TUBA4A: variants seen among roughly 807,000 people sequenced by gnomAD.
TUBA4A encodes tubulin alpha-4A chain.
In TUBA4A, 23 loss-of-function variants were observed where a neutral mutation model predicts 34.3. The observed-to-expected ratio is 0.67, with a 90% CI of 0.48 to 0.95. TUBA4A has a LOEUF of 0.95. Among genes scored for constraint, TUBA4A ranks in the 40% least tolerant of loss-of-function variants. The pLI, the probability that TUBA4A is intolerant of heterozygous loss-of-function variation, is 0.00. For missense variants in TUBA4A, 279 were observed against 599.0 expected (o/e 0.47, Z 5.58); for synonymous variants, 216 against 230.5 (o/e 0.94, Z 0.57).
rs1951653815 is a variant in TUBA4A, at chr2:219,251,849, G to A, written c.227-136C>T. On this transcript the variant is annotated intron_variant, in intron 2 of 3. Coordinates refer to ENST00000248437, the MANE Select transcript of TUBA4A (RefSeq NM_006000.3). The surrounding 1 kb of genome is among the most constrained non-coding windows in gnomAD (Gnocchi z 6.1). ...CAGAGTGTGAGAGAAACCCAGACCA[G>A]CTGCCCAGGCCAGTCTCAGATCAGC... The A allele has an allele frequency of 7.3e-7, 1 of 1,370,540 alleles. No homozygotes were observed. The highest frequency in any genetic ancestry group is 9.9e-7 in the Non-Finnish European group (1 of 1,006,412). 84.9% of individuals were successfully genotyped at this position (1,370,540 alleles called of 1,614,324 possible). A position where few individuals can be genotyped will look rare whatever the true frequency, so the allele number is the denominator to read the frequency against.
In TUBA4A at chr2:219,249,926, TG is replaced by T; in HGVS notation, c.*425del. 1 of 171,728 alleles carries T rather than the reference TG, an allele frequency of 5.8e-6. No individual in the cohort carries two copies. The highest frequency in any genetic ancestry group is 1.3e-5 in the Non-Finnish European group (1 of 78,538). The allele number at this position is 171,728 out of a possible 1,614,324, so 10.6% of individuals were successfully genotyped here. A position where few individuals can be genotyped will look rare whatever the true frequency, so the allele number is the denominator to read the frequency against. On this transcript the variant is annotated 3_prime_UTR_variant, in exon 4 of 4. Transcript: ENST00000248437. Reference sequence around the variant, plus strand: ...AACCCTCATAATGCACAGAGGAGCCTGGGCCAAGCCTTGCTTCCAGAGTTGG... The same window carrying T: ...AACCCTCATAATGCACAGAGGAGCCTGGCCAAGCCTTGCTTCCAGAGTTGG...
Position 219,250,220 on chromosome 2 carries a change from G to GAGC in TUBA4A, c.*129_*131dup. ...GGATAAGGGTCATGAACAGCAAACA[G>GAGC]AGCAGCAGCAGCATGAAGGGGAAGG... On this transcript the variant is annotated 3_prime_UTR_variant, in exon 4 of 4. Coordinates refer to ENST00000248437, the MANE Select transcript of TUBA4A (RefSeq NM_006000.3). This position sits in a 1 kb window ranked among gnomAD's most constrained non-coding sequence, Gnocchi z 8.4. The GAGC allele has an allele frequency of 3.0e-6, 4 of 1,320,244 alleles. No homozygotes were observed. Among genetic ancestry groups the GAGC allele is most frequent in the Non-Finnish European group, 3.1e-6 (3 of 953,942 alleles). The allele number at this position is 1,320,244 out of a possible 1,614,324, so 81.8% of individuals were successfully genotyped here.
Position 219,250,382 on chromosome 2 carries a change from G to A in TUBA4A, c.1317C>T (p.Ser439=), listed in dbSNP as rs1053377850. ...CTTCTCCCTCATCCTCGTCCTCATA[G>A]GAGTCGATGCCCACCTCCTCATAAT... ...EKDYEEVGID[S]YEDEDEGEE Residue 439 remains serine, a synonymous_variant, in exon 4 of 4, where the codon TCC becomes TCT. Coordinates refer to ENST00000248437, the MANE Select transcript of TUBA4A (RefSeq NM_006000.3). This position sits in a 1 kb window ranked among gnomAD's most constrained non-coding sequence, Gnocchi z 8.4. The A allele has an allele frequency of 6.2e-7, 1 of 1,613,862 alleles. No homozygotes were observed. Among genetic ancestry groups the A allele is most frequent in the Non-Finnish European group, 8.5e-7 (1 of 1,179,844 alleles).
intron 1 of TUBA4A, chr2:219,253,225 C>T: frequency 6.7e-7 from 1 of 1,492,730 alleles, no homozygotes; most frequent in Non-Finnish European, 8.9e-7. Context: ...TCGGCCCGCG[C>T]AGTGCTCAGC....
rs1014715889 is a variant in TUBA4A, at chr2:219,253,390, T to C, written c.3+466A>G. ...TGGTTCTGTGGATAGTTGGAATGCATACACAGAGGAAAGGGGGATGCGGCA... is the reference window on the plus strand; with the variant it reads ...TGGTTCTGTGGATAGTTGGAATGCACACACAGAGGAAAGGGGGATGCGGCA... On this transcript the variant is annotated intron_variant, in intron 1 of 3. Coordinates refer to ENST00000248437, the MANE Select transcript of TUBA4A (RefSeq NM_006000.3). The C allele has an allele frequency of 2.6e-6, 4 of 1,534,302 alleles. No homozygotes were observed. In the African/African-American group the frequency reaches 5.5e-5, roughly 21 times the overall value.
chr2:219,250,773 T>A lies in TUBA4A; in HGVS notation c.926A>T (p.His309Leu). The change falls in exon 4 of 4, where the codon CAC becomes CTC. Residue 309 changes from histidine to leucine, a missense_variant. His to Leu is a moderately conservative substitution (Grantham distance 99). Transcript: ENST00000248437. This position sits in a 1 kb window ranked among gnomAD's most constrained non-coding sequence, Gnocchi z 8.4. ...CAGGCAGCAGGCCATGTACTTGCCG[T>A]GCCGGGGATCACACTTTACCATCTG... ...ANQMVKCDPR[H>L]GKYMACCLLY... The A allele has an allele frequency of 6.2e-7, 1 of 1,614,222 alleles. No individual in the cohort carries two copies. Among genetic ancestry groups the A allele is most frequent in the Middle Eastern group, 1.6e-4 (1 of 6,062 alleles).
upstream of TUBA4A, chr2:219,254,730 C>T (rs1951702663): frequency 2.0e-5 from 3 of 152,302 alleles, no homozygotes; most frequent in Admixed American, 2.0e-4. Context: ...CCTGTGTGAC[C>T]TTGAGCAAGT....
chr2:219,253,133 G>A (rs1951675491), intron 1 of TUBA4A: 1 of 1,500,038 alleles, frequency 6.7e-7, no homozygotes, highest in East Asian at 2.6e-5. Flanking sequence ...AGCCCAAAGC[G>A]GGGATTGGGT....
chr2:219,251,525 C>T lies in TUBA4A; in HGVS notation c.375+40G>A, dbSNP rs111861444. On this transcript the variant is annotated intron_variant, in intron 3 of 3. Transcript: ENST00000248437. The surrounding 1 kb of genome is among the most constrained non-coding windows in gnomAD (Gnocchi z 6.1). ...AAAAAAATATTCCTGACCATTAGCA[C>T]AGTCTCAAAAGTTCCCTCCCTCCCA... The T allele has an allele frequency of 1.9e-6, 3 of 1,601,424 alleles. No individual in the cohort carries two copies. The South Asian group carries it at 3.3e-5, about 18-fold the overall frequency.
Position 219,251,959 on chromosome 2 carries a change from C to A in TUBA4A, c.226+49G>T. ...AATACCCTCTCTCTCCAGGGAGAAGCTTTGAGTCATGCTCCACCCCCTTCA... is the reference window on the plus strand; with the variant it reads ...AATACCCTCTCTCTCCAGGGAGAAGATTTGAGTCATGCTCCACCCCCTTCA... On this transcript the variant is annotated intron_variant, in intron 2 of 3. Transcript: ENST00000248437. This position sits in a 1 kb window ranked among gnomAD's most constrained non-coding sequence, Gnocchi z 6.1. 1 of 1,577,996 alleles carries A rather than the reference C, an allele frequency of 6.3e-7. No individual in the cohort carries two copies. Among genetic ancestry groups the A allele is most frequent in the Non-Finnish European group, 8.7e-7 (1 of 1,149,044 alleles).
In TUBA4A at chr2:219,252,445, C is replaced by T. The variant is rs923337972; in HGVS notation, c.4-215G>A. 6.6e-6 allele frequency among the ~76,000 whole-genome samples: 1 copy of T among 152,108 alleles called. No homozygotes were observed. The highest frequency in any genetic ancestry group is 1.5e-5 in the Non-Finnish European group (1 of 67,996). On this transcript the variant is annotated intron_variant, in intron 1 of 3. Coordinates refer to ENST00000248437, the MANE Select transcript of TUBA4A (RefSeq NM_006000.3). The surrounding 1 kb of genome is among the most constrained non-coding windows in gnomAD (Gnocchi z 4.1). Reference sequence around the variant, plus strand: ...GGAGGCACCCAGCAATGCAGGCCAACCTCTTAGCCCACTTCTCAGTGGGGA... The same window carrying T: ...GGAGGCACCCAGCAATGCAGGCCAATCTCTTAGCCCACTTCTCAGTGGGGA...
At chr2:219,253,807 G>A (rs774671045) in intron 1 of TUBA4A, 49 bp downstream of exon 1, 3 of 1,538,516 alleles carry the variant, frequency 1.9e-6, no homozygotes, top group Admixed American at 2.1e-5. Context: ...TCCCCCAAAG[G>A]AGAGGGGCAA....
rs369629125 is a variant in TUBA4A at position 219,250,325 on chromosome 2, A to G, written c.*27T>C. 1.7e-5 allele frequency: 27 copies of G among 1,579,898 alleles called. No individual in the cohort carries two copies. Among genetic ancestry groups the G allele is most frequent in the Non-Finnish European group, 2.3e-5 (27 of 1,160,794 alleles). ...ATTTCGAAAGGATTTTGCAATAAAC[A>G]TAGTGAATAGGCTCCAGGCAGCTGC... On this transcript the variant is annotated 3_prime_UTR_variant, in exon 4 of 4. Transcript: ENST00000248437. This position sits in a 1 kb window ranked among gnomAD's most constrained non-coding sequence, Gnocchi z 8.4.
rs1951650859 is a variant in TUBA4A at position 219,251,694 on chromosome 2, T to C, written c.246A>G (p.Pro82=). The part of the protein sequence containing the change: ...PTVIDEIRNG[P]YRQLFHPEQL... ...GCTCTGGGTGGAAGAGCTGTCGGTA[T>C]GGGCCATTTCGGATCTCATCTGGAA... is the stretch of plus-strand genomic sequence containing the variant. Residue 82 remains proline (P), a synonymous_variant, in exon 3 of 4, where the codon CCA becomes CCG. Transcript: ENST00000248437. This position sits in a 1 kb window ranked among gnomAD's most constrained non-coding sequence, Gnocchi z 6.1. 1 of 1,610,272 alleles carries C rather than the reference T, an allele frequency of 6.2e-7. No individual in the cohort carries two copies. The highest frequency in any genetic ancestry group is 8.5e-7 in the Non-Finnish European group (1 of 1,176,526).
chr2:219,251,252 G>A lies in TUBA4A; in HGVS notation c.447C>T (p.Phe149=). 2 of 1,614,154 alleles carry A rather than the reference G, an allele frequency of 1.2e-6. No homozygotes were observed. Among genetic ancestry groups the A allele is most frequent in the Non-Finnish European group, 8.5e-7 (1 of 1,180,034 alleles). ...AGAGCCGCTCCATCAGGAGTGAGGT[G>A]AAGCCAGAGCCAGTGCCCCCACCAA... ...HSFGGGTGSG[F]TSLLMERLSV... Residue 149 remains phenylalanine (F), a synonymous_variant, in exon 4 of 4, where the codon TTC becomes TTT. Transcript: ENST00000248437. The surrounding 1 kb of genome is among the most constrained non-coding windows in gnomAD (Gnocchi z 6.1).
Position 219,252,836 on chromosome 2 carries a change from C to G in TUBA4A, c.4-606G>C, listed in dbSNP as rs1263329791. On this transcript the variant is annotated intron_variant, in intron 1 of 3. Coordinates refer to ENST00000248437, the MANE Select transcript of TUBA4A (RefSeq NM_006000.3). The surrounding 1 kb of genome is among the most constrained non-coding windows in gnomAD (Gnocchi z 4.1). Reference sequence around the variant, plus strand: ...ATAGCGGCGGTAATGCTTGTAAGCTCAGACAGCAGGGGCCAGCAATAAGGT... The same window carrying G: ...ATAGCGGCGGTAATGCTTGTAAGCTGAGACAGCAGGGGCCAGCAATAAGGT... 1 of 472,058 alleles carries G rather than the reference C, an allele frequency of 2.1e-6. No individual in the cohort carries two copies. Among genetic ancestry groups the G allele is most frequent in the Non-Finnish European group, 4.4e-6 (1 of 227,818 alleles). 29.2% of individuals were successfully genotyped at this position (472,058 alleles called of 1,614,324 possible).
Position 219,252,364 on chromosome 2 carries a change from G to T in TUBA4A, c.4-134C>A. ...AAGAGTGGAGGGTTGGGGCTGGGCAGAGGTGAGAAGAGAGTAGCAGCCTGC... is the reference window on the plus strand; with the variant it reads ...AAGAGTGGAGGGTTGGGGCTGGGCATAGGTGAGAAGAGAGTAGCAGCCTGC... On this transcript the variant is annotated intron_variant, in intron 1 of 3. Transcript: ENST00000248437. This position sits in a 1 kb window ranked among gnomAD's most constrained non-coding sequence, Gnocchi z 4.1. 1 of 870,568 alleles carries T rather than the reference G, an allele frequency of 1.1e-6. No individual in the cohort carries two copies. The highest frequency in any genetic ancestry group is 1.8e-6 in the Non-Finnish European group (1 of 567,734). The allele number at this position is 870,568 out of a possible 1,614,324, so 53.9% of individuals were successfully genotyped here. A position where few individuals can be genotyped will look rare whatever the true frequency, so the allele number is the denominator to read the frequency against.
Position 219,252,274 on chromosome 2 carries a change from C to T in TUBA4A, c.4-44G>A, listed in dbSNP as rs1366672508. On this transcript the variant is annotated intron_variant, in intron 1 of 3. Coordinates refer to ENST00000248437, the MANE Select transcript of TUBA4A (RefSeq NM_006000.3). The surrounding 1 kb of genome is among the most constrained non-coding windows in gnomAD (Gnocchi z 4.1). ...GGACACAGCATGAGCCCCACATCCA[C>T]AAGTCCTCACCTTGCGAGTCTCTCT... The T allele has an allele frequency of 3.9e-6, 6 of 1,556,282 alleles. No homozygotes were observed. The highest frequency in any genetic ancestry group is 1.7e-5 in the Admixed American group (1 of 58,988).
Position 219,252,765 on chromosome 2 carries a change from C to G in TUBA4A, c.4-535G>C, listed in dbSNP as rs1454319833. The stretch of plus-strand genomic sequence containing the variant: ...CTCTCCCCACCTCCACCCCCGCACC[C>G]TGGGTGTCTTCACCACTTTCATCTC... On this transcript the variant is annotated intron_variant, in intron 1 of 3. Coordinates refer to ENST00000248437, the MANE Select transcript of TUBA4A (RefSeq NM_006000.3). The surrounding 1 kb of genome is among the most constrained non-coding windows in gnomAD (Gnocchi z 4.1). The G allele has an allele frequency of 6.4e-6, 3 of 471,878 alleles. No individual in the cohort carries two copies. The highest frequency in any genetic ancestry group is 1.3e-5 in the Non-Finnish European group (3 of 227,696). 29.2% of individuals were successfully genotyped at this position (471,878 alleles called of 1,614,324 possible). A position where few individuals can be genotyped will look rare whatever the true frequency, so the allele number is the denominator to read the frequency against.
Sources: allele counts gnomAD v4.1 joint callset (sites outside exome capture counted in the v4.1 genomes callset), GRCh38; gene constraint gnomAD v4.1.1; non-coding constraint Gnocchi (gnomAD v3.1); transcripts MANE v1.5; gene names NCBI Gene and HGNC (gene_info 2026-07-23, HGNC 2026-07-21).